PKP4: variants seen among roughly 807,000 people sequenced by gnomAD.
The protein encoded by PKP4 is plakophilin-4.
A neutral mutation model predicts 145.1 loss-of-function variants in PKP4; 90 were observed. The ratio of observed to expected loss-of-function variants is 0.62; its 90% CI spans 0.52 to 0.74. The LOEUF (loss-of-function observed/expected upper bound fraction) is 0.74. Ranked by LOEUF, PKP4 falls within the 30% of genes least tolerant of loss-of-function variation. PKP4 has a pLI of 0.00. For missense variants in PKP4, 1,340 were observed against 1,482.7 expected, an observed-to-expected ratio of 0.90 and a Z score of 1.58; for synonymous variants, 563 against 577.2, an observed-to-expected ratio of 0.98 and a Z score of 0.35.
At chr2:158,624,480 C>T (rs574201848) in intron 6 of PKP4, among the ~76,000 whole-genome samples, 1 of 152,232 alleles carries the variant, frequency 6.6e-6, no homozygotes, top group South Asian at 2.1e-4. Context: ...AACTTTGCTT[C>T]ATAGGGAATG....
intron 1 of PKP4, among the ~76,000 whole-genome samples, chr2:158,478,593 G>A (rs886359274): frequency 1.3e-5 from 2 of 152,214 alleles, no homozygotes; most frequent in African/African-American, 4.8e-5. Flanking sequence ...AGTTATCAGT[G>A]ATGGCTTAAA....
At position 158,636,250 on chromosome 2, in the gene PKP4, A is replaced by G. The variant is rs1054694788; in HGVS notation, c.1562+1961A>G. Among the ~76,000 whole-genome samples the G allele has an allele frequency of 5.3e-5, 8 of 151,968 alleles. No homozygotes were observed. The East Asian group carries it at 5.8e-4, about 11-fold the overall frequency. ...TCTCTCAGCTTTAGTTTATCTGAAAATATTTCACTTGTTTTTTTAAAGGAT... is the reference window on the plus strand; with the variant it reads ...TCTCTCAGCTTTAGTTTATCTGAAAGTATTTCACTTGTTTTTTTAAAGGAT... On this transcript the variant is annotated intron_variant, in intron 9 of 21. Transcript: ENST00000389759.
intron 1 of PKP4, among the ~76,000 whole-genome samples, chr2:158,522,164 A>C (rs557421217): frequency 6.6e-6 from 1 of 152,354 alleles, no homozygotes; most frequent in Non-Finnish European, 1.5e-5. Flanking sequence ...TGCTTTCACC[A>C]AAAATTATTA....
chr2:158,676,980 C>T (rs542844321), intron 20 of PKP4, 113 bp downstream of exon 20: 10 of 1,245,924 alleles, frequency 8.0e-6, no homozygotes, highest in African/African-American at 1.5e-5. Flanking sequence ...CCCCCAGCAG[C>T]AAACCATGTT....
intron 2 of PKP4, among the ~76,000 whole-genome samples, chr2:158,558,413 G>T (rs1467522522): frequency 6.6e-6 from 1 of 152,068 alleles, no homozygotes; most frequent in Admixed American, 6.5e-5. Context: ...AGGAGGCAGG[G>T]TGGGCAAAAA....
At chr2:158,556,664 A>G (rs2046123120) in intron 2 of PKP4, among the ~76,000 whole-genome samples, 1 of 152,134 alleles carries the variant, frequency 6.6e-6, no homozygotes, top group Admixed American at 6.5e-5. Context: ...AGAAACTGTG[A>G]AGATGATCAT....
rs1353912783 is a variant in PKP4, at chr2:158,673,840, CATT to C, written c.3010-39_3010-37del. On this transcript the variant is annotated intron_variant, in intron 18 of 21. Coordinates refer to ENST00000389759, the MANE Select transcript of PKP4 (RefSeq NM_003628.6). ...ATAATCATTTATTGTAATGAAATGTCATTATTCATTTTGAGAGGTTTCTTTTTC... is the reference window on the plus strand; with the variant it reads ...ATAATCATTTATTGTAATGAAATGTCATTCATTTTGAGAGGTTTCTTTTTC... 14 of 1,470,160 alleles carry C rather than the reference CATT, an allele frequency of 9.5e-6. No homozygotes were observed. In the Middle Eastern group the frequency reaches 6.9e-4, roughly 72 times the overall value. The allele number at this position is 1,470,160 out of a possible 1,614,324, so 91.1% of individuals were successfully genotyped here.
chr2:158,482,933 GTGTT>G (rs1693585747), intron 1 of PKP4, among the ~76,000 whole-genome samples: 1 of 152,100 alleles, frequency 6.6e-6, no homozygotes, highest in East Asian at 1.9e-4. Context: ...TTGTGATACA[GTGTT>G]TGTTAGCCTA....
In PKP4 at chr2:158,634,268, A is replaced by G. The variant is rs2053630698; in HGVS notation, c.1541A>G (p.Asp514Gly). ...DDGTTRSPSI[D>G]SIQKDPREFA... ...GGCACCACAAGATCCCCATCAATAG[A>G]CAGCATTCAGAAGGACCCCAGGCGA... The change falls in exon 9 of 22, where the codon GAC becomes GGC. Residue 514 changes from aspartate (D) to glycine (G), a missense_variant. Transcript: ENST00000389759. The G allele has an allele frequency of 6.2e-7, 1 of 1,613,952 alleles. No homozygotes were observed.
At chr2:158,554,111 T>C (rs1364086296) in intron 2 of PKP4, among the ~76,000 whole-genome samples, 4 of 150,250 alleles carry the variant, frequency 2.7e-5, no homozygotes, top group African/African-American at 9.7e-5. Context: ...GTTGCCTGCC[T>C]TTACACGTCC....
chr2:158,676,811 C>T lies in PKP4; in HGVS notation c.3200C>T (p.Pro1067Leu). 2 of 1,614,060 alleles carry T rather than the reference C, an allele frequency of 1.2e-6. No homozygotes were observed. The highest frequency in any genetic ancestry group is 1.7e-6 in the Non-Finnish European group (2 of 1,179,992). Residue 1067 changes from proline (P) to leucine (L), a missense_variant, in exon 20 of 22, where the codon CCA becomes CTA. Physicochemically the swap from Pro to Leu is moderately conservative, Grantham distance 98 (BLOSUM62 -3). Coordinates refer to ENST00000389759, the MANE Select transcript of PKP4 (RefSeq NM_003628.6). ...CGCTCTGAATACGATAGGACCCAGCCACCTATGCAGTATTACAATAGCCAA... is the reference window on the plus strand; with the variant it reads ...CGCTCTGAATACGATAGGACCCAGCTACCTATGCAGTATTACAATAGCCAA... Reference protein sequence around the residue: ...DPRSEYDRTQPPMQYYNSQGD... With the variant: ...DPRSEYDRTQLPMQYYNSQGD...
intron 4 of PKP4, among the ~76,000 whole-genome samples, chr2:158,610,425 G>A (rs2051037498): frequency 6.6e-6 from 1 of 152,112 alleles, no homozygotes; most frequent in Non-Finnish European, 1.5e-5. Context: ...AGAATAATAG[G>A]TAAAGGGTGA....
intron 11 of PKP4, among the ~76,000 whole-genome samples, chr2:158,654,605 C>T (rs1337512521): frequency 2.6e-5 from 4 of 152,030 alleles, no homozygotes; most frequent in Non-Finnish European, 5.9e-5. Flanking sequence ...TTCTCCTATC[C>T]CCGTAACTAA....
chr2:158,539,251 T>G (rs2105654144), intron 2 of PKP4, among the ~76,000 whole-genome samples: 1 of 152,354 alleles, frequency 6.6e-6, no homozygotes, highest in South Asian at 2.1e-4. Context: ...TGTGTCCTAT[T>G]GATGTTACTT....
intron 3 of PKP4, among the ~76,000 whole-genome samples, chr2:158,582,986 GTCAT>G (rs1325426108): frequency 1.3e-5 from 2 of 152,188 alleles, no homozygotes; most frequent in Admixed American, 1.3e-4. Flanking sequence ...TGTGTTGCTT[GTCAT>G]TGTGCAGGTG....
intron 1 of PKP4, among the ~76,000 whole-genome samples, chr2:158,500,425 C>T (rs1487854173): frequency 6.6e-6 from 1 of 152,134 alleles, no homozygotes; most frequent in Non-Finnish European, 1.5e-5. Flanking sequence ...TAAAGATAAC[C>T]CATCCTCATT....
chr2:158,598,490 G>A (rs1440426901), intron 3 of PKP4, among the ~76,000 whole-genome samples: 4 of 152,140 alleles, frequency 2.6e-5, no homozygotes, highest in Non-Finnish European at 4.4e-5. Context: ...TGTTATTGCC[G>A]GGCGTGGTGG....
intron 2 of PKP4, among the ~76,000 whole-genome samples, chr2:158,571,860 C>G (rs927709726): frequency 6.6e-6 from 1 of 152,094 alleles, no homozygotes; most frequent in Non-Finnish European, 1.5e-5. Flanking sequence ...TGGAGCTCTT[C>G]CTGCTCATCA....
chr2:158,500,383 G>A (rs914690839), intron 1 of PKP4, among the ~76,000 whole-genome samples: 2 of 152,092 alleles, frequency 1.3e-5, no homozygotes, highest in Non-Finnish European at 2.9e-5. Flanking sequence ...ATACATTTTT[G>A]TTCTTTCATA....
Sources: allele counts gnomAD v4.1 joint callset (sites outside exome capture counted in the v4.1 genomes callset), GRCh38; gene constraint gnomAD v4.1.1; transcripts MANE v1.5; gene names NCBI Gene and HGNC (gene_info 2026-07-23, HGNC 2026-07-21).